GNB5: variants seen among roughly 807,000 people sequenced by gnomAD.
The protein encoded by GNB5 is guanine nucleotide-binding protein subunit beta-5.
GNB5 carries 37 observed loss-of-function variants against 55.3 expected under a neutral mutation model. The ratio of observed to expected loss-of-function variants is 0.67; its 90% CI spans 0.51 to 0.88. The LOEUF is 0.88. GNB5 is among the 40% of genes least tolerant of loss of function. The probability of loss-of-function intolerance (pLI) is 0.00; values close to 1 mark genes in which losing one functional copy is unlikely to be tolerated. For synonymous variants in GNB5, 219 were observed against 198.5 expected, an observed-to-expected ratio of 1.10 and a Z score of -0.87; for missense variants, 476 against 515.3, an observed-to-expected ratio of 0.92 and a Z score of 0.74.
At chr15:52,167,108 C>T (rs2034465873) in intron 3 of GNB5, among the ~76,000 whole-genome samples, 1 of 152,004 alleles carries the variant, frequency 6.6e-6, no homozygotes, top group Non-Finnish European at 1.5e-5. Context: ...ATGCATACAC[C>T]CTCCCAAGAC....
At chr15:52,165,709 T>G (rs187606871) in intron 3 of GNB5, among the ~76,000 whole-genome samples, 1 of 151,364 alleles carries the variant, frequency 6.6e-6, no homozygotes, top group East Asian at 1.9e-4. Context: ...GCACCAAATA[T>G]AGAAAGGAAA....
At chr15:52,149,853 C>T in intron 5 of GNB5, 31 bp downstream of exon 5, 2 of 1,559,074 alleles carry the variant, frequency 1.3e-6, no homozygotes, top group Middle Eastern at 3.4e-4. Flanking sequence ...ATTCTGAAGC[C>T]TCTATAACGT....
chr15:52,189,173 A>G (rs369046044), intron 1 of GNB5, among the ~76,000 whole-genome samples: 2 of 152,220 alleles, frequency 1.3e-5, no homozygotes, highest in South Asian at 4.1e-4. Context: ...GGGAAGGTAA[A>G]GTGGGGTAGC....
intron 3 of GNB5, among the ~76,000 whole-genome samples, chr15:52,167,207 T>G (rs2034467120): frequency 6.6e-6 from 1 of 152,018 alleles, no homozygotes; most frequent in Non-Finnish European, 1.5e-5. Context: ...CAAAAAAAAG[T>G]CCAGGACCAG....
intron 2 of GNB5, chr15:52,181,157 C>T (rs2034762475): frequency 6.6e-6 from 1 of 152,298 alleles, no homozygotes; most frequent in African/African-American, 2.4e-5. Flanking sequence ...GAGAAGCCAG[C>T]CTCCACTTGC....
At chr15:52,141,101 C>T in intron 7 of GNB5, 39 bp downstream of exon 7, 1 of 1,605,814 alleles carries the variant, frequency 6.2e-7, no homozygotes, top group South Asian at 1.1e-5. Context: ...TTTAGTGCTC[C>T]TTGGCAGGTC....
chr15:52,125,988 G>A lies in GNB5; in HGVS notation c.969C>T (p.Ser323=), dbSNP rs1341307894. 2 of 1,580,224 alleles carry A rather than the reference G, an allele frequency of 1.3e-6. No homozygotes were observed. The highest frequency in any genetic ancestry group is 3.4e-5 in the Admixed American group (2 of 59,424). The change falls in exon 11 of 13, where the codon AGC becomes AGT. Residue 323 remains serine, a synonymous_variant. Coordinates refer to ENST00000261837, the MANE Select transcript of GNB5 (RefSeq NM_016194.4). ...CCACGCTGGATGCTCCAAATATGATGCTTTCTTTGGAATAGATGGCAACCT... is the reference window on the plus strand; with the variant it reads ...CCACGCTGGATGCTCCAAATATGATACTTTCTTTGGAATAGATGGCAACCT... ...DREVAIYSKE[S]IIFGASSVDF...
At chr15:52,144,347 T>C (rs2033924267) in intron 6 of GNB5, 1 of 152,248 alleles carries the variant, frequency 6.6e-6, no homozygotes, top group Admixed American at 6.5e-5. Context: ...GAACTGCATA[T>C]CTAATATTTC....
intron 3 of GNB5, among the ~76,000 whole-genome samples, chr15:52,165,403 A>G (rs1411725950): frequency 1.3e-5 from 2 of 152,206 alleles, no homozygotes. Flanking sequence ...CCCAAGACAC[A>G]TAATCATCAG....
intron 3 of GNB5, among the ~76,000 whole-genome samples, chr15:52,165,996 A>C (rs1283475107): frequency 6.6e-6 from 1 of 152,188 alleles, no homozygotes; most frequent in Non-Finnish European, 1.5e-5. Context: ...GATGGAGGAA[A>C]ATTTACCAAG....
intron 7 of GNB5, 82 bp downstream of exon 7, chr15:52,141,058 G>C (rs2033840928): frequency 8.2e-7 from 1 of 1,215,700 alleles, no homozygotes; most frequent in African/African-American, 1.5e-5. Context: ...TGTTCAGAGA[G>C]ACGCCGAAAG....
chr15:52,152,082 TA>T (rs968892915), intron 4 of GNB5, among the ~76,000 whole-genome samples: 24 of 150,316 alleles, frequency 1.6e-4, no homozygotes, highest in South Asian at 2.1e-4. Context: ...ATTTTGATCT[TA>T]AAAAAAAAGC....
At chr15:52,166,475 C>T (rs1259867576) in intron 3 of GNB5, among the ~76,000 whole-genome samples, 2 of 152,052 alleles carry the variant, frequency 1.3e-5, no homozygotes, top group African/African-American at 4.8e-5. Context: ...GAACTGAAAT[C>T]ATAACAGTCT....
intron 3 of GNB5, among the ~76,000 whole-genome samples, chr15:52,171,987 C>T (rs1016327573): frequency 2.6e-5 from 4 of 152,216 alleles, no homozygotes; most frequent in Non-Finnish European, 5.9e-5. Flanking sequence ...AGCTCCCACA[C>T]AGCCCCAGGA....
Position 52,124,574 on chromosome 15 carries a change from G to A in GNB5, c.1075C>T (p.Arg359Trp), listed in dbSNP as rs1248482133. 11 of 1,613,536 alleles carry A rather than the reference G, an allele frequency of 6.8e-6. No individual in the cohort carries two copies. Among genetic ancestry groups the A allele is most frequent in the Admixed American group, 3.3e-5 (2 of 60,012 alleles). ...TCATGTCCAAACAGGATGGAGACCC[G>A]GGACCCTTTGAGAACATCCCAGACG... ...INVWDVLKGS[R>W]VSILFGHENR... is the part of the protein sequence containing the mutation. The change falls in exon 12 of 13, where the codon CGG becomes TGG. Residue 359 changes from arginine to tryptophan, a missense_variant. Coordinates refer to ENST00000261837, the MANE Select transcript of GNB5 (RefSeq NM_016194.4).
At chr15:52,163,214 G>C (rs1218598759) in intron 3 of GNB5, among the ~76,000 whole-genome samples, 1 of 152,216 alleles carries the variant, frequency 6.6e-6, no homozygotes, top group Non-Finnish European at 1.5e-5. Flanking sequence ...AAGACGCCGA[G>C]GGCCTTGGGT....
intron 3 of GNB5, among the ~76,000 whole-genome samples, chr15:52,172,113 G>T (rs546350532): frequency 7.9e-5 from 12 of 152,190 alleles, no homozygotes; most frequent in African/African-American, 2.9e-4. Flanking sequence ...CTTTAGAGTT[G>T]AATTGTTTTC....
rs1390017212 is a variant in GNB5 at position 52,116,870 on chromosome 15, A to G, written c.*5887T>C. 6.6e-6 allele frequency: 1 copy of G among 151,414 alleles called. No homozygotes were observed. The allele number at this position is 151,414 out of a possible 1,614,324, so 9.4% of individuals were successfully genotyped here. On this transcript the variant is annotated 3_prime_UTR_variant, in exon 13 of 13. Coordinates refer to ENST00000261837, the MANE Select transcript of GNB5 (RefSeq NM_016194.4). The stretch of plus-strand genomic sequence containing the variant: ...TGTAGCCAAGGATAATTATTTCAAA[A>G]CCATTATGTAATCCTCCTCATTTTT...
rs150498832 is a variant in GNB5 at position 52,153,964 on chromosome 15, C to T, written c.351G>A (p.Lys117=). The T allele has an allele frequency of 1.2e-6, 2 of 1,613,768 alleles. No homozygotes were observed. The highest frequency in any genetic ancestry group is 1.7e-6 in the Non-Finnish European group (2 of 1,179,808). The change falls in exon 4 of 13, where the codon AAG becomes AAA. Residue 117 remains lysine (K), a synonymous_variant. Coordinates refer to ENST00000261837, the MANE Select transcript of GNB5 (RefSeq NM_016194.4). The part of the protein sequence containing the change: ...KVLCMDWCKD[K]RRIVSSSQDG... ...CCTGTGACGAGCTCACGATCCTCCT[C>T]TTATCTTTGCACCAGTCCATGCACA...
Sources: allele counts gnomAD v4.1 joint callset (sites outside exome capture counted in the v4.1 genomes callset), GRCh38; gene constraint gnomAD v4.1.1; transcripts MANE v1.5; gene names NCBI Gene and HGNC (gene_info 2026-07-23, HGNC 2026-07-21).